The following DYRK1A variants were observed in gnomAD, a reference collection of about 807,000 sequenced individuals.
DYRK1A encodes dual specificity tyrosine-phosphorylation-regulated kinase 1A.
DYRK1A carries 9 observed loss-of-function variants against 79.7 expected under a neutral mutation model. The observed-to-expected ratio is 0.11, with a 90% confidence interval of 0.07 to 0.20. DYRK1A has a LOEUF of 0.20. Among genes scored for constraint, DYRK1A ranks in the 10% least tolerant of loss-of-function variants. The probability of loss-of-function intolerance (pLI) is 1.00; values close to 1 mark genes in which losing one functional copy is unlikely to be tolerated. For synonymous variants in DYRK1A, 349 were observed against 329.7 expected, an observed-to-expected ratio of 1.06 and a Z score of -0.63; for missense variants, 622 against 956.0, an observed-to-expected ratio of 0.65 and a Z score of 4.61.
At chr21:37,468,579 G>A (rs918566981) in intron 2 of DYRK1A, among the ~76,000 whole-genome samples, 1 of 152,176 alleles carries the variant, frequency 6.6e-6, no homozygotes, top group African/African-American at 2.4e-5. Context: ...AGGGAAATGT[G>A]ATTTATGATA....
intron 2 of DYRK1A, among the ~76,000 whole-genome samples, chr21:37,432,775 T>C (rs898158759): frequency 4.6e-5 from 7 of 152,084 alleles, no homozygotes; most frequent in Non-Finnish European, 8.8e-5. Flanking sequence ...TTAACAGTTA[T>C]TCTAAAAATA....
At chr21:37,451,485 C>T (rs896823294) in intron 2 of DYRK1A, among the ~76,000 whole-genome samples, 11 of 151,820 alleles carry the variant, frequency 7.2e-5, no homozygotes, top group Admixed American at 2.6e-4. Flanking sequence ...ATGCCTATAG[C>T]ACAAATAATG....
At chr21:37,427,368 TC>T (rs1276764514) in intron 2 of DYRK1A, among the ~76,000 whole-genome samples, 3 of 152,204 alleles carry the variant, frequency 2.0e-5, no homozygotes, top group African/African-American at 7.2e-5. Flanking sequence ...AAGTGATTCT[TC>T]CGCCTTAACC....
chr21:37,456,539 C>CGT (rs2051642715), intron 2 of DYRK1A, among the ~76,000 whole-genome samples: 1 of 152,196 alleles, frequency 6.6e-6, no homozygotes, highest in Non-Finnish European at 1.5e-5. Context: ...TGTTTCCTAA[C>CGT]CCTGCGTCTT....
At position 37,514,639 on chromosome 21, in the gene DYRK1A, CTT is replaced by C. The variant is rs905752174; in HGVS notation, c.*2112_*2113del. ...TACTCGTTTTTATAAACTACAAAAA[CTT>C]TTTGTTGTTTATCAGGAAATCCATA... On this transcript the variant is annotated 3_prime_UTR_variant, in exon 12 of 12. Transcript: ENST00000647188. The C allele has an allele frequency of 6.5e-6, 1 of 152,682 alleles. No homozygotes were observed. Among genetic ancestry groups the C allele is most frequent in the East Asian group, 1.9e-4 (1 of 5,188 alleles). The allele number at this position is 152,682 out of a possible 1,614,324, so 9.5% of individuals were successfully genotyped here. A position where few individuals can be genotyped will look rare whatever the true frequency, so the allele number is the denominator to read the frequency against.
Position 37,524,205 on chromosome 21 carries a change from A to C in DYRK1A, c.*11674A>C, listed in dbSNP as rs2053953573. On this transcript the variant is annotated 3_prime_UTR_variant, in exon 12 of 12. Transcript: ENST00000647188. The stretch of plus-strand genomic sequence containing the variant: ...CGATTTGGGTGGCTGAGGTGGGAGA[A>C]TCACTTGAACCCAGGATTTGGAGAC... The C allele has an allele frequency of 6.6e-6, 1 of 152,130 alleles. No individual in the cohort carries two copies. Among genetic ancestry groups the C allele is most frequent in the Non-Finnish European group, 1.5e-5 (1 of 68,016 alleles). The allele number at this position is 152,130 out of a possible 1,614,324, so 9.4% of individuals were successfully genotyped here. A position where few individuals can be genotyped will look rare whatever the true frequency, so the allele number is the denominator to read the frequency against.
intron 1 of DYRK1A, among the ~76,000 whole-genome samples, chr21:37,369,475 G>A (rs2049386721): frequency 6.6e-6 from 1 of 152,212 alleles, no homozygotes; most frequent in African/African-American, 2.4e-5. Flanking sequence ...CCCTGGTATA[G>A]CAGTGGTGTT....
At chr21:37,393,397 ACTGT>A (rs1353963744) in intron 1 of DYRK1A, among the ~76,000 whole-genome samples, 1 of 152,052 alleles carries the variant, frequency 6.6e-6, no homozygotes, top group African/African-American at 2.4e-5. Context: ...AGTTTAATAA[ACTGT>A]CTTTTTTCTG....
At chr21:37,462,335 C>T (rs1428559715) in intron 2 of DYRK1A, among the ~76,000 whole-genome samples, 1 of 152,056 alleles carries the variant, frequency 6.6e-6, no homozygotes, top group East Asian at 1.9e-4. Flanking sequence ...ACTTGCAGAC[C>T]ATCTTGATCC....
chr21:37,488,379 G>T (rs2052951536), intron 6 of DYRK1A: 12 of 866,770 alleles, frequency 1.4e-5, no homozygotes, highest in Non-Finnish European at 1.7e-5. Flanking sequence ...TGATTTTTAT[G>T]ATGTAAATTA....
intron 2 of DYRK1A, among the ~76,000 whole-genome samples, chr21:37,427,436 T>C (rs1487966807): frequency 1.3e-5 from 2 of 152,252 alleles, no homozygotes; most frequent in African/African-American, 2.4e-5. Context: ...AGTCACTTTT[T>C]AGTGTGCTTT....
intron 1 of DYRK1A, among the ~76,000 whole-genome samples, chr21:37,382,482 T>C (rs2049677142): frequency 6.6e-6 from 1 of 152,136 alleles, no homozygotes; most frequent in African/African-American, 2.4e-5. Flanking sequence ...TTAGTTTTGG[T>C]AGCACCGTTT....
intron 1 of DYRK1A, among the ~76,000 whole-genome samples, chr21:37,409,914 T>TG (rs2050213166): frequency 6.6e-6 from 1 of 152,210 alleles, no homozygotes; most frequent in Non-Finnish European, 1.5e-5. Flanking sequence ...CCTTTTGTGT[T>TG]GAACATTTAT....
At chr21:37,431,788 A>C (rs73903965) in intron 2 of DYRK1A, among the ~76,000 whole-genome samples, 1,619 of 152,344 alleles carry the variant, frequency 0.011, 21 homozygotes, top group African/African-American at 0.037. Flanking sequence ...TAGTTTGTAT[A>C]GATGTAGTTG....
chr21:37,475,839 C>T (rs774955999), intron 3 of DYRK1A, among the ~76,000 whole-genome samples: 3 of 152,090 alleles, frequency 2.0e-5, no homozygotes, highest in Non-Finnish European at 4.4e-5. Flanking sequence ...TTTTAGTGAG[C>T]ATCATTACTC....
At chr21:37,410,297 A>G (rs1368329269) in intron 1 of DYRK1A, among the ~76,000 whole-genome samples, 3 of 152,322 alleles carry the variant, frequency 2.0e-5, no homozygotes, top group Non-Finnish European at 2.9e-5. Flanking sequence ...TAGGCTGTGT[A>G]TAGGTATTTT....
At chr21:37,479,606 GTTTTT>G (rs2052539609) in intron 4 of DYRK1A, among the ~76,000 whole-genome samples, 1 of 27,594 alleles carries the variant, frequency 3.6e-5, no homozygotes, top group Non-Finnish European at 6.9e-5. Flanking sequence ...TTTTGTTTTT[GTTTTT>G]GTTTTTTGTT....
At chr21:37,423,161 A>G (rs2050523302) in intron 2 of DYRK1A, among the ~76,000 whole-genome samples, 1 of 152,156 alleles carries the variant, frequency 6.6e-6, no homozygotes, top group South Asian at 2.1e-4. Context: ...AGGCATGCAG[A>G]GAGAAAGTAG....
At chr21:37,405,956 AAAT>A (rs2050139266) in intron 1 of DYRK1A, among the ~76,000 whole-genome samples, 1 of 152,054 alleles carries the variant, frequency 6.6e-6, no homozygotes, top group Non-Finnish European at 1.5e-5. Context: ...CAATAGGCGT[AAAT>A]AAGTTCTCAT....
Sources: gnomAD v4.1 joint callset for allele counts (sites outside exome capture counted in the v4.1 genomes callset) on GRCh38, gnomAD v4.1.1 for gene constraint, MANE v1.5 for transcripts, NCBI Gene and HGNC (gene_info 2026-07-23, HGNC 2026-07-21) for gene names.